SIVA1: variants seen among roughly 807,000 people sequenced by gnomAD.
SIVA1 encodes SIVA1 apoptosis inducing factor.
Under a neutral mutation model 19.7 loss-of-function variants are expected in SIVA1, and 10 were observed. That is an observed-to-expected ratio of 0.51 (90% CI 0.31 to 0.86). The LOEUF (loss-of-function observed/expected upper bound fraction) is 0.86. Among genes scored for constraint, SIVA1 ranks in the 40% least tolerant of loss-of-function variants. SIVA1 has a pLI of 0.04. For synonymous variants in SIVA1, 130 were observed against 106.1 expected (o/e 1.23, Z -1.39); for missense variants, 241 against 245.2 (o/e 0.98, Z 0.11).
At chr14:104,753,459 C>T (rs1404588601) in intron 1 of SIVA1, 140 bp downstream of exon 1, 1 of 599,244 alleles carries the variant, frequency 1.7e-6, no homozygotes, top group South Asian at 2.1e-5. Context: ...TGGGAGGCCG[C>T]GGGGACACAA....
chr14:104,754,276 C>T (rs969728073), intron 1 of SIVA1, among the ~76,000 whole-genome samples: 1 of 152,104 alleles, frequency 6.6e-6, no homozygotes, highest in Admixed American at 6.5e-5. Context: ...GTGTGATTTA[C>T]CTGGTGCCGC....
chr14:104,756,638 A>C lies in SIVA1; in HGVS notation c.348A>C (p.Ser116=), dbSNP rs1195595059. 1.2e-6 allele frequency: 2 copies of C among 1,614,032 alleles called. No homozygotes were observed. Among genetic ancestry groups the C allele is most frequent in the African/African-American group, 2.7e-5 (2 of 74,914 alleles). Residue 116 remains serine (S), a synonymous_variant, in exon 3 of 4, where the codon TCA becomes TCC. Transcript: ENST00000329967. Reference sequence around the variant, plus strand: ...GGGTAGCGTCCATTGCCTGTTCCTCATGCGTGCGAGCCGTGGATGGGAAGG... The same window carrying C: ...GGGTAGCGTCCATTGCCTGTTCCTCCTGCGTGCGAGCCGTGGATGGGAAGG... ...PSGVASIACS[S]CVRAVDGKAV...
At position 104,755,701 on chromosome 14, in the gene SIVA1, G is replaced by A. The variant is rs754034141; in HGVS notation, c.190G>A (p.Val64Ile). Residue 64 changes from valine (V) to isoleucine (I), a missense_variant, in exon 2 of 4, where the codon GTC becomes ATC. By Grantham distance (29) the Val-to-Ile change is conservative. Coordinates refer to ENST00000329967, the MANE Select transcript of SIVA1 (RefSeq NM_006427.4). The stretch of plus-strand genomic sequence containing the variant: ...CCACGTGTGGGATGAAGGCTGTGCC[G>A]TCGTTCACCTGCCAGAGTCCCCAAA... ...LDHVWDEGCA[V>I]VHLPESPKPG... The A allele has an allele frequency of 1.5e-5, 24 of 1,613,948 alleles. No individual in the cohort carries two copies. Among genetic ancestry groups the A allele is most frequent in the South Asian group, 6.6e-5 (6 of 91,088 alleles).
At chr14:104,756,555 A>G (rs1328363998) in intron 2 of SIVA1, 49 bp from the exon 3 acceptor site, 17 of 1,611,456 alleles carry the variant, frequency 1.1e-5, no homozygotes, top group Non-Finnish European at 1.4e-5. Context: ...GCAGTCCCGG[A>G]AACTCCAGTC....
intron 1 of SIVA1, chr14:104,753,809 GC>G: frequency 2.2e-6 from 1 of 453,514 alleles, no homozygotes. Flanking sequence ...AGACAGATGT[GC>G]CCCGTCTCCC....
At chr14:104,753,833 G>C in intron 1 of SIVA1, 1 of 449,888 alleles carries the variant, frequency 2.2e-6, no homozygotes, top group Non-Finnish European at 4.5e-6. Context: ...GAGCTCCCCA[G>C]CCTAGTTGGG....
intron 1 of SIVA1, chr14:104,754,003 G>A (rs1039922142): frequency 3.4e-6 from 1 of 294,152 alleles, no homozygotes; most frequent in Non-Finnish European, 7.1e-6. Context: ...GAAGGAAGAG[G>A]GCGAGGCAGA....
rs777996475 is a variant in SIVA1 at position 104,755,805 on chromosome 14, T to C, written c.294T>C (p.Leu98=). 6.2e-7 allele frequency: 1 copy of C among 1,613,818 alleles called. No individual in the cohort carries two copies. The highest frequency in any genetic ancestry group is 1.1e-5 in the South Asian group (1 of 91,070). ...CAGACGGCCGCCTGATCAGGAGCCT[T>C]GGGCAGGCCTCCGAAGCTGGTGAGT... ...IGPDGRLIRS[L]GQASEADPSG... is the part of the protein sequence containing the mutation. Residue 98 remains leucine (L), a synonymous_variant, in exon 2 of 4, where the codon CTT becomes CTC. Transcript: ENST00000329967.
At chr14:104,755,584 C>T (rs766307794) in intron 1 of SIVA1, 46 bp from the exon 2 acceptor site, 18 of 1,547,918 alleles carry the variant, frequency 1.2e-5, no homozygotes, top group Non-Finnish European at 1.5e-5. Context: ...GCAGGGGCTT[C>T]GTTGGTACAC....
chr14:104,753,366 A>C, intron 1 of SIVA1, 47 bp downstream of exon 1: 1 of 1,333,708 alleles, frequency 7.5e-7, no homozygotes, highest in Non-Finnish European at 1.0e-6. Flanking sequence ...CGGGGCCTGG[A>C]ACGGGCCGGG....
Position 104,753,311 on chromosome 14 carries a change from A to T in SIVA1, c.110A>T (p.Glu37Val). ...RGVCAERYSQ[E>V]VFEKTKRLLF... ...GTGTGCGCCGAGCGCTACTCGCAGG[A>T]GGTCTTCGGTGAGTGTCGGGCGGGC... Residue 37 changes from glutamate (E) to valine (V), a missense_variant, in exon 1 of 4, where the codon GAG becomes GTG. Transcript: ENST00000329967. 3 of 1,596,926 alleles carry T rather than the reference A, an allele frequency of 1.9e-6. No individual in the cohort carries two copies. The highest frequency in any genetic ancestry group is 8.5e-7 in the Non-Finnish European group (1 of 1,173,406).
At chr14:104,753,459 C>A in intron 1 of SIVA1, 140 bp downstream of exon 1, 1 of 599,244 alleles carries the variant, frequency 1.7e-6, no homozygotes, top group Non-Finnish European at 2.8e-6. Context: ...TGGGAGGCCG[C>A]GGGGACACAA....
At chr14:104,753,467 C>T in intron 1 of SIVA1, 148 bp downstream of exon 1, 1 of 585,670 alleles carries the variant, frequency 1.7e-6, no homozygotes, top group Admixed American at 3.4e-5. Flanking sequence ...CGCGGGGACA[C>T]AAGCTGGCCA....
chr14:104,754,790 G>C (rs1891830424), intron 1 of SIVA1, among the ~76,000 whole-genome samples: 1 of 152,168 alleles, frequency 6.6e-6, no homozygotes, highest in Non-Finnish European at 1.5e-5. Context: ...GGAAGGTGTG[G>C]GGGGCCAGGA....
intron 3 of SIVA1, chr14:104,758,387 G>A (rs1186826801): frequency 6.6e-6 from 1 of 152,252 alleles, no homozygotes; most frequent in Non-Finnish European, 1.5e-5. Context: ...CGGCCCTGTC[G>A]TGTTTGGGGT....
chr14:104,755,929 A>G lies in SIVA1; in HGVS notation c.313+105A>G, dbSNP rs1484160976. ...TCAGGCTTTTCCTCCCTGGGTAAGC[A>G]GGACTCTGACCCAGAGCTTGGCCTT... On this transcript the variant is annotated intron_variant, in intron 2 of 3. Transcript: ENST00000329967. The G allele has an allele frequency of 3.6e-6, 4 of 1,108,692 alleles. No individual in the cohort carries two copies. In the South Asian group the frequency reaches 4.0e-5, roughly 11 times the overall value. The allele number at this position is 1,108,692 out of a possible 1,614,324, so 68.7% of individuals were successfully genotyped here.
At chr14:104,754,271 A>T (rs544877123) in intron 1 of SIVA1, among the ~76,000 whole-genome samples, 61 of 152,202 alleles carry the variant, frequency 4.0e-4, no homozygotes, top group South Asian at 8.3e-4. Flanking sequence ...GGGGTGTGTG[A>T]TTTACCTGGT....
At chr14:104,753,368 C>T (rs903493028) in intron 1 of SIVA1, 49 bp downstream of exon 1, 8 of 1,294,580 alleles carry the variant, frequency 6.2e-6, no homozygotes, top group South Asian at 1.3e-5. Context: ...GGGCCTGGAA[C>T]GGGCCGGGCC....
Position 104,753,228 on chromosome 14 carries a change from G to A in SIVA1, c.27G>A (p.Ala9=), listed in dbSNP as rs756015638. MPKRSCPF[A]DVAPLQLKVR... is the part of the protein sequence containing the mutation. ...TGCCCAAGCGGAGCTGCCCCTTCGCGGACGTGGCCCCGCTACAGCTCAAGG... is the reference window on the plus strand; with the variant it reads ...TGCCCAAGCGGAGCTGCCCCTTCGCAGACGTGGCCCCGCTACAGCTCAAGG... The change falls in exon 1 of 4, where the codon GCG becomes GCA. Residue 9 remains alanine, a synonymous_variant. Transcript: ENST00000329967. 1.6e-5 allele frequency: 25 copies of A among 1,584,320 alleles called. No homozygotes were observed. In the South Asian group the frequency reaches 2.9e-4, roughly 18 times the overall value.
Sources: allele counts gnomAD v4.1 joint callset (sites outside exome capture counted in the v4.1 genomes callset), GRCh38; gene constraint gnomAD v4.1.1; transcripts MANE v1.5; gene names NCBI Gene and HGNC (gene_info 2026-07-23, HGNC 2026-07-21).